Variants in SDK1 observed in about 807,000 individuals in gnomAD.
The protein encoded by SDK1 is protein sidekick-1.
Under a neutral mutation model 245.5 loss-of-function variants are expected in SDK1, and 157 were observed. That is an observed-to-expected ratio of 0.64 (90% CI 0.56 to 0.73). The LOEUF is 0.73. Ranked by LOEUF, SDK1 falls within the 30% of genes least tolerant of loss-of-function variation. The pLI is 0.00. For synonymous variants in SDK1, 1,647 were observed against 1,278.5 expected (o/e 1.29, Z -6.15); for missense variants, 3,583 against 3,002.3 (o/e 1.19, Z -4.52).
intron 1 of SDK1, among the ~76,000 whole-genome samples, chr7:3,495,290 C>T (rs1781990463): frequency 1.4e-5 from 2 of 138,418 alleles, no homozygotes; most frequent in South Asian, 4.5e-4. Context: ...CGGAGTCTCG[C>T]TCTGCCACCC....
intron 13 of SDK1, among the ~76,000 whole-genome samples, chr7:3,980,347 C>CGGT (rs1783304655): frequency 6.6e-6 from 1 of 152,180 alleles, no homozygotes; most frequent in South Asian, 2.1e-4. Flanking sequence ...CTGTGCCTGA[C>CGGT]GGTGGTTTTC....
chr7:3,456,313 C>A (rs1414541722), intron 1 of SDK1, among the ~76,000 whole-genome samples: 3 of 152,166 alleles, frequency 2.0e-5, no homozygotes, highest in Admixed American at 6.5e-5. Flanking sequence ...TCAGCCCCAG[C>A]AACTTTCTCC....
At chr7:3,551,532 C>G (rs997047216) in intron 1 of SDK1, among the ~76,000 whole-genome samples, 4 of 151,360 alleles carry the variant, frequency 2.6e-5, no homozygotes, top group Non-Finnish European at 5.9e-5. Flanking sequence ...ATCAGTTAAA[C>G]TGAAAGCTTG....
intron 1 of SDK1, among the ~76,000 whole-genome samples, chr7:3,550,765 A>C (rs1779377933): frequency 6.6e-6 from 1 of 152,222 alleles, no homozygotes; most frequent in South Asian, 2.1e-4. Context: ...ATAGCTTACA[A>C]TGAAAAGATT....
At chr7:3,334,371 G>C (rs373434489) in intron 1 of SDK1, among the ~76,000 whole-genome samples, 20 of 152,320 alleles carry the variant, frequency 1.3e-4, no homozygotes, top group Admixed American at 5.2e-4. Flanking sequence ...CTACGCTTGA[G>C]AGAAGAAGCT....
intron 32 of SDK1, among the ~76,000 whole-genome samples, chr7:4,171,721 A>T (rs1371840612): frequency 1.3e-5 from 2 of 152,226 alleles, no homozygotes; most frequent in Non-Finnish European, 2.9e-5. Flanking sequence ...CCCAGATAAT[A>T]GCCCAACTCC....
rs375594238 is a variant in SDK1 at position 4,132,434 on chromosome 7, G to A, written c.4228+11G>A. ...ACGGCATCATCCTGGGTAAGGGAGCGGCGGTGGCCGGGCGTGGTGGCTCAG... is the reference window on the plus strand; with the variant it reads ...ACGGCATCATCCTGGGTAAGGGAGCAGCGGTGGCCGGGCGTGGTGGCTCAG... On this transcript the variant is annotated intron_variant, in intron 28 of 44. Coordinates refer to ENST00000404826, the MANE Select transcript of SDK1 (RefSeq NM_152744.4). 1.6e-5 allele frequency: 25 copies of A among 1,590,332 alleles called. No individual in the cohort carries two copies. Among genetic ancestry groups the A allele is most frequent in the East Asian group, 4.5e-5 (2 of 44,270 alleles).
intron 5 of SDK1, among the ~76,000 whole-genome samples, chr7:3,927,246 A>C (rs2128115825): frequency 6.6e-6 from 1 of 152,358 alleles, no homozygotes; most frequent in South Asian, 2.1e-4. Flanking sequence ...TTAAAAAAGT[A>C]ACGTTCCAAA....
chr7:3,837,649 A>AT (rs10659410), intron 5 of SDK1, among the ~76,000 whole-genome samples: 2 of 152,198 alleles, frequency 1.3e-5, no homozygotes, highest in Non-Finnish European at 2.9e-5. Context: ...CTCTGGAAGC[A>AT]TTTGAGGTAT....
At chr7:4,179,650 G>A (rs554622354) in intron 35 of SDK1, among the ~76,000 whole-genome samples, 12 of 152,138 alleles carry the variant, frequency 7.9e-5, no homozygotes, top group African/African-American at 2.9e-4. Flanking sequence ...CAGAGCCACC[G>A]AGGTACGGCT....
intron 1 of SDK1, among the ~76,000 whole-genome samples, chr7:3,304,553 A>G (rs1678937132): frequency 6.6e-6 from 1 of 152,140 alleles, no homozygotes; most frequent in Admixed American, 6.5e-5. Flanking sequence ...CTGTTTGTTC[A>G]TAGTCCTCAG....
At chr7:4,065,171 A>T (rs147091651) in intron 19 of SDK1, among the ~76,000 whole-genome samples, 1 of 152,344 alleles carries the variant, frequency 6.6e-6, no homozygotes, top group East Asian at 1.9e-4. Context: ...CACCTGTACC[A>T]TAGAAATGTG....
intron 5 of SDK1, among the ~76,000 whole-genome samples, chr7:3,861,160 G>C (rs1354309107): frequency 2.6e-5 from 4 of 152,144 alleles, no homozygotes; most frequent in Non-Finnish European, 4.4e-5. Context: ...GTTTGTCCTC[G>C]TGTCAACTGG....
chr7:3,590,690 A>C (rs552900793), intron 1 of SDK1, among the ~76,000 whole-genome samples: 8 of 152,050 alleles, frequency 5.3e-5, no homozygotes, highest in African/African-American at 1.9e-4. Flanking sequence ...CATTTACTTC[A>C]CAAGGGAAAC....
chr7:3,478,663 G>C (rs1305747418), intron 1 of SDK1, among the ~76,000 whole-genome samples: 1 of 151,936 alleles, frequency 6.6e-6, no homozygotes, highest in Non-Finnish European at 1.5e-5. Flanking sequence ...AGAATCAAAG[G>C]TTTTATTGAA....
chr7:3,465,831 C>T (rs2128596489), intron 1 of SDK1, among the ~76,000 whole-genome samples: 1 of 152,206 alleles, frequency 6.6e-6, no homozygotes, highest in South Asian at 2.1e-4. Flanking sequence ...TTGGGTTGGC[C>T]ATCAGTCTAA....
chr7:4,098,535 G>C (rs1194572413), intron 22 of SDK1, among the ~76,000 whole-genome samples: 2 of 152,104 alleles, frequency 1.3e-5, no homozygotes, highest in African/African-American at 4.8e-5. Flanking sequence ...CTGTTTTATA[G>C]ATTTTATTGT....
chr7:4,206,892 G>A (rs1017345175), intron 36 of SDK1, among the ~76,000 whole-genome samples: 2 of 152,196 alleles, frequency 1.3e-5, no homozygotes, highest in African/African-American at 4.8e-5. Flanking sequence ...GGTGTGTTAT[G>A]AAAATTAATA....
At chr7:4,085,508 TG>T (rs1395330380) in intron 22 of SDK1, among the ~76,000 whole-genome samples, 3 of 152,208 alleles carry the variant, frequency 2.0e-5, no homozygotes, top group Non-Finnish European at 2.9e-5. Context: ...TTTGTTTTTT[TG>T]CTTCAATTTT....
Sources: allele counts gnomAD v4.1 joint callset (sites outside exome capture counted in the v4.1 genomes callset), GRCh38; gene constraint gnomAD v4.1.1; transcripts MANE v1.5; gene names NCBI Gene and HGNC (gene_info 2026-07-23, HGNC 2026-07-21).